Variants in TMC1 observed in about 807,000 individuals in gnomAD.
TMC1 encodes the protein transmembrane channel-like protein 1.
Under a neutral mutation model 105.8 loss-of-function variants are expected in TMC1, and 84 were observed. The ratio of observed to expected loss-of-function variants is 0.79; its 90% CI spans 0.67 to 0.95. TMC1 has a LOEUF of 0.95. Among genes scored for constraint, TMC1 ranks in the 40% least tolerant of loss-of-function variants. TMC1 has a pLI of 0.00. For missense variants in TMC1, 817 were observed against 914.1 expected (o/e 0.89, Z 1.37); for synonymous variants, 315 against 311.5 (o/e 1.01, Z -0.12).
intron 1 of TMC1, among the ~76,000 whole-genome samples, chr9:72,533,530 C>T (rs1334969939): frequency 6.6e-6 from 1 of 152,186 alleles, no homozygotes; most frequent in Non-Finnish European, 1.5e-5. Flanking sequence ...TCCAATAAAT[C>T]TAAAGGAGAT....
intron 2 of TMC1, among the ~76,000 whole-genome samples, chr9:72,580,995 T>C (rs1448319143): frequency 2.0e-5 from 3 of 152,358 alleles, no homozygotes; most frequent in South Asian, 2.1e-4. Flanking sequence ...TCTGCCTCTC[T>C]CTATATTTGC....
chr9:72,758,158 C>G (rs1827701143), intron 12 of TMC1, among the ~76,000 whole-genome samples: 1 of 151,938 alleles, frequency 6.6e-6, no homozygotes, highest in African/African-American at 2.4e-5. Context: ...AAAGATTTGT[C>G]TTTTGTTTTG....
At chr9:72,643,782 G>C (rs773826523) in intron 4 of TMC1, among the ~76,000 whole-genome samples, 3 of 152,080 alleles carry the variant, frequency 2.0e-5, no homozygotes, top group African/African-American at 7.2e-5. Flanking sequence ...ATTTCTCTTG[G>C]GTAAATGTCT....
rs1345926328 is a variant in TMC1 at position 72,700,613 on chromosome 9, G to A, written c.332G>A (p.Trp111Ter). The change falls in exon 8 of 24, where the codon TGG becomes TAG. Residue 111 changes from tryptophan (W) to a stop codon, truncating the protein, a stop_gained. Transcript: ENST00000297784. LOFTEE classifies it high-confidence loss of function. ...ATTGCTACTGTCAAATGCAAACCAT[G>A]GAAGATGGAGAAGAAAATTGAAGTT... The part of the protein sequence containing the change: ...QIIATVKCKP[W>*]KMEKKIEVLK... 1 of 1,605,488 alleles carries A rather than the reference G, an allele frequency of 6.2e-7. No individual in the cohort carries two copies. Among genetic ancestry groups the A allele is most frequent in the Admixed American group, 1.7e-5 (1 of 59,706 alleles).
chr9:72,739,205 T>C (rs1350718705), intron 8 of TMC1, among the ~76,000 whole-genome samples: 1 of 152,210 alleles, frequency 6.6e-6, no homozygotes, highest in African/African-American at 2.4e-5. Context: ...TGTGTCTTCA[T>C]GTAGTGGAAG....
In TMC1 at chr9:72,753,286, C is replaced by CTTTTT. The variant is rs5898269; in HGVS notation, c.642+1348_642+1352dup. 4.4e-3 allele frequency among the ~76,000 whole-genome samples: 361 copies of CTTTTT among 81,792 alleles called. 15 individuals carry two copies. The highest frequency in any genetic ancestry group is 0.013 in the African/African-American group (248 of 19,014). 53.7% of individuals were successfully genotyped at this position (81,792 alleles called of 152,430 possible). On this transcript the variant is annotated intron_variant, in intron 11 of 23. Coordinates refer to ENST00000297784, the MANE Select transcript of TMC1 (RefSeq NM_138691.3). ...TTTATCTATTTCAAATTAACCCCAG[C>CTTTTT]TTTTTTTTTTTTTTTTTTTTTTGCT...
At chr9:72,713,572 A>G (rs573853685) in intron 8 of TMC1, among the ~76,000 whole-genome samples, 1 of 152,290 alleles carries the variant, frequency 6.6e-6, no homozygotes, top group East Asian at 1.9e-4. Context: ...AGGTATTTAT[A>G]GTATTCTCTG....
At chr9:72,807,580 T>C (rs974507447) in intron 18 of TMC1, among the ~76,000 whole-genome samples, 2 of 152,242 alleles carry the variant, frequency 1.3e-5, no homozygotes, top group East Asian at 1.9e-4. Context: ...TACTAGCATT[T>C]CTAGAAGCAG....
chr9:72,599,989 C>T (rs1194646096), intron 2 of TMC1, among the ~76,000 whole-genome samples: 1 of 151,958 alleles, frequency 6.6e-6, no homozygotes, highest in Non-Finnish European at 1.5e-5. Flanking sequence ...AAGGAGAAAC[C>T]AAGTCCTTAG....
intron 4 of TMC1, among the ~76,000 whole-genome samples, chr9:72,634,498 G>A (rs769553731): frequency 1.3e-5 from 2 of 152,178 alleles, no homozygotes; most frequent in Admixed American, 6.5e-5. Context: ...TCTTACAAAG[G>A]CAGTTTCAGT....
At chr9:72,605,450 A>C (rs1268574199) in intron 2 of TMC1, among the ~76,000 whole-genome samples, 1 of 152,114 alleles carries the variant, frequency 6.6e-6, no homozygotes, top group African/African-American at 2.4e-5. Context: ...GTTTCCTCTG[A>C]GGTCTCCGTC....
intron 1 of TMC1, among the ~76,000 whole-genome samples, chr9:72,524,260 T>G (rs1479280860): frequency 6.6e-6 from 1 of 152,234 alleles, no homozygotes; most frequent in Admixed American, 6.5e-5. Context: ...ATTTGTGCCT[T>G]TATTCTGCCC....
At chr9:72,800,201 G>T (rs79938378) in intron 17 of TMC1, among the ~76,000 whole-genome samples, 1 of 152,160 alleles carries the variant, frequency 6.6e-6, no homozygotes, top group African/African-American at 2.4e-5. Context: ...CTGTTCCATG[G>T]CTTTTTGAAG....
At chr9:72,652,327 A>G (rs1334541421) in intron 5 of TMC1, among the ~76,000 whole-genome samples, 1 of 152,180 alleles carries the variant, frequency 6.6e-6, no homozygotes. Context: ...TGTTGGTGAT[A>G]CTGATTTTGT....
intron 8 of TMC1, among the ~76,000 whole-genome samples, chr9:72,705,533 C>T (rs1253207781): frequency 4.6e-5 from 7 of 152,112 alleles, no homozygotes; most frequent in East Asian, 1.9e-4. Flanking sequence ...GCCACAATGC[C>T]GGCTTCAAAA....
chr9:72,671,753 A>C (rs1023451704), intron 5 of TMC1, among the ~76,000 whole-genome samples: 1 of 152,182 alleles, frequency 6.6e-6, no homozygotes, highest in Admixed American at 6.5e-5. Context: ...TTCTTTAAAT[A>C]TTCTTGACTT....
At position 72,656,023 on chromosome 9, in the gene TMC1, G is replaced by C. The variant is rs938826157; in HGVS notation, c.16+7359G>C. The stretch of plus-strand genomic sequence containing the variant: ...TGTAGTGATTCTCAAAGTCTTAGTA[G>C]GCATTTGAACTGGTCTTTTCACTTT... On this transcript the variant is annotated intron_variant, in intron 5 of 23. Transcript: ENST00000297784. The C allele has an allele frequency of 3.2e-5, 24 of 751,274 alleles. No homozygotes were observed. The African/African-American group carries it at 3.9e-4, about 12-fold the overall frequency. 46.5% of individuals were successfully genotyped at this position (751,274 alleles called of 1,614,324 possible). A position where few individuals can be genotyped will look rare whatever the true frequency, so the allele number is the denominator to read the frequency against.
At chr9:72,728,326 A>C (rs1459833372) in intron 8 of TMC1, among the ~76,000 whole-genome samples, 1 of 152,214 alleles carries the variant, frequency 6.6e-6, no homozygotes, top group Non-Finnish European at 1.5e-5. Context: ...AAAGCTTGTC[A>C]TGCAGATTCC....
At chr9:72,675,219 A>G (rs1161490289) in intron 5 of TMC1, among the ~76,000 whole-genome samples, 2 of 152,158 alleles carry the variant, frequency 1.3e-5, no homozygotes, top group Non-Finnish European at 2.9e-5. Flanking sequence ...GTGAGGGTCT[A>G]TTCTAGCTGG....
Sources: gnomAD v4.1 joint callset for allele counts (sites outside exome capture counted in the v4.1 genomes callset) on GRCh38, gnomAD v4.1.1 for gene constraint, MANE v1.5 for transcripts, NCBI Gene and HGNC (gene_info 2026-07-23, HGNC 2026-07-21) for gene names.